Variants in CSRP1 observed in about 807,000 individuals in gnomAD.
The protein encoded by CSRP1 is cysteine and glycine-rich protein 1.
In CSRP1, 16 loss-of-function variants were observed where a neutral mutation model predicts 25.4. The observed-to-expected ratio is 0.63, with a 90% confidence interval of 0.43 to 0.96. CSRP1 has a LOEUF of 0.96. Ranked by LOEUF, CSRP1 falls within the 40% of genes least tolerant of loss-of-function variation. The probability of loss-of-function intolerance (pLI) is 0.00; values close to 1 mark genes in which losing one functional copy is unlikely to be tolerated. For synonymous variants in CSRP1, 97 were observed against 95.3 expected (o/e 1.02, Z -0.10); for missense variants, 212 against 243.6 (o/e 0.87, Z 0.86).
At chr1:201,500,717 G>A (rs188581743) in intron 1 of CSRP1, among the ~76,000 whole-genome samples, 1 of 152,358 alleles carries the variant, frequency 6.6e-6, no homozygotes, top group African/African-American at 2.4e-5. Flanking sequence ...CTCAGCTGGA[G>A]GGAACCCTGG....
At chr1:201,504,918 G>A (rs1664772344) in intron 1 of CSRP1, among the ~76,000 whole-genome samples, 1 of 152,168 alleles carries the variant, frequency 6.6e-6, no homozygotes, top group African/African-American at 2.4e-5. Flanking sequence ...GGCCAACATG[G>A]CGAAATGCCG....
intron 2 of CSRP1, among the ~76,000 whole-genome samples, chr1:201,494,613 T>C (rs1261257747): frequency 9.2e-5 from 14 of 152,234 alleles, no homozygotes; most frequent in Admixed American, 9.2e-4. Context: ...CAGGTGGGTC[T>C]ACCTAGCGAC....
At chr1:201,496,151 G>A in intron 2 of CSRP1, 41 bp downstream of exon 2, 2 of 1,513,940 alleles carry the variant, frequency 1.3e-6, no homozygotes, top group Non-Finnish European at 1.8e-6. Flanking sequence ...GCCCGTCCAG[G>A]GTGTCCAAGG....
intron 2 of CSRP1, chr1:201,491,297 T>G (rs1157299411): frequency 1.3e-5 from 2 of 152,246 alleles, no homozygotes; most frequent in East Asian, 1.9e-4. Flanking sequence ...TAAATAAAAC[T>G]TTTAAAAATA....
intron 1 of CSRP1, among the ~76,000 whole-genome samples, chr1:201,497,371 A>AAG (rs1440152339): frequency 6.6e-6 from 1 of 150,816 alleles, no homozygotes; most frequent in Non-Finnish European, 1.5e-5. Flanking sequence ...AAAAAAAAAA[A>AAG]AAAAAAAAAA....
At chr1:201,490,118 T>C (rs1664286476) in intron 3 of CSRP1, 58 bp downstream of exon 3, 1 of 1,548,812 alleles carries the variant, frequency 6.5e-7, no homozygotes, top group Non-Finnish European at 8.8e-7. Flanking sequence ...ACATGAGGCC[T>C]AATACAGGGT....
chr1:201,490,284 C>A lies in CSRP1; in HGVS notation c.173G>T (p.Cys58Phe), dbSNP rs1803328. 1 of 1,614,200 alleles carries A rather than the reference C, an allele frequency of 6.2e-7. No homozygotes were observed. The highest frequency in any genetic ancestry group is 8.5e-7 in the Non-Finnish European group (1 of 1,180,038). Residue 58 changes from cysteine (C) to phenylalanine (F), a missense_variant, in exon 3 of 6, where the codon TGC becomes TTC. Cys to Phe is a radical substitution (Grantham distance 205, BLOSUM62 -2). Transcript: ENST00000340006. Reference protein sequence around the residue: ...TVAVHGEEIYCKSCYGKKYGP... With the variant: ...TVAVHGEEIYFKSCYGKKYGP... The stretch of plus-strand genomic sequence containing the variant: ...ATACTTCTTGCCGTAGCAGGACTTG[C>A]AGTAAATCTCCTCACCATGCACGGC...
chr1:201,504,802 A>T (rs1184799915), intron 1 of CSRP1, among the ~76,000 whole-genome samples: 1 of 152,004 alleles, frequency 6.6e-6, no homozygotes, highest in Non-Finnish European at 1.5e-5. Flanking sequence ...GTCTCCAAAA[A>T]AAAAAAAAAC....
chr1:201,488,850 C>G lies in CSRP1; in HGVS notation c.411+5G>C, dbSNP rs1303081578. On this transcript the variant is annotated splice_donor_5th_base_variant and intron_variant, in intron 4 of 5. Coordinates refer to ENST00000340006, the MANE Select transcript of CSRP1 (RefSeq NM_004078.3). ...CATCCCTCTCATGCCCAGCAGCCACCTTACCTTCCCAGCACCAATCACCTT... is the reference window on the plus strand; with the variant it reads ...CATCCCTCTCATGCCCAGCAGCCACGTTACCTTCCCAGCACCAATCACCTT... The G allele has an allele frequency of 6.2e-7, 1 of 1,612,566 alleles. No individual in the cohort carries two copies. Among genetic ancestry groups the G allele is most frequent in the Middle Eastern group, 1.6e-4 (1 of 6,074 alleles).
At chr1:201,492,795 G>A (rs1423651784) in intron 2 of CSRP1, 1 of 152,332 alleles carries the variant, frequency 6.6e-6, no homozygotes, top group African/African-American at 2.4e-5. Context: ...TCCAGACCTG[G>A]TGGTTTTCTG....
At chr1:201,490,150 AG>A in intron 3 of CSRP1, 25 bp downstream of exon 3, 1 of 1,596,490 alleles carries the variant, frequency 6.3e-7, no homozygotes, top group East Asian at 2.2e-5. Context: ...CTCAAGAAAA[AG>A]GTTGGGAGGG....
rs989043070 is a variant in CSRP1 at position 201,483,711 on chromosome 1, G to A, written c.*1002C>T. On this transcript the variant is annotated 3_prime_UTR_variant, in exon 6 of 6. Coordinates refer to ENST00000340006, the MANE Select transcript of CSRP1 (RefSeq NM_004078.3). ...TAACCTGGGGCCTGGCAGGGGTGGA[G>A]TGATGTGATCTAAGGGTCCCTGGAG... 5 of 337,946 alleles carry A rather than the reference G, an allele frequency of 1.5e-5. No homozygotes were observed. The highest frequency in any genetic ancestry group is 8.8e-4 in the Middle Eastern group (1 of 1,132). The allele number at this position is 337,946 out of a possible 1,614,324, so 20.9% of individuals were successfully genotyped here. A position where few individuals can be genotyped will look rare whatever the true frequency, so the allele number is the denominator to read the frequency against.
rs1664307259 is a variant in CSRP1 at position 201,490,557 on chromosome 1, G to A, written c.113-213C>T. The A allele has an allele frequency of 2.9e-5, 15 of 520,596 alleles. No individual in the cohort carries two copies. The East Asian group carries it at 4.7e-4, about 16-fold the overall frequency. The allele number at this position is 520,596 out of a possible 1,614,324, so 32.2% of individuals were successfully genotyped here. On this transcript the variant is annotated intron_variant, in intron 2 of 5. Transcript: ENST00000340006. ...TGCATATCCGACTCTAGAAATGCTG[G>A]CCAACACCAATTCCTCTTCCAGGAA...
chr1:201,498,169 C>A (rs572101520), intron 1 of CSRP1, among the ~76,000 whole-genome samples: 1 of 152,170 alleles, frequency 6.6e-6, no homozygotes, highest in South Asian at 2.1e-4. Context: ...CAGAGCAGCA[C>A]GGAAGGTAAC....
At chr1:201,499,130 G>A (rs1055260491) in intron 1 of CSRP1, among the ~76,000 whole-genome samples, 13 of 152,198 alleles carry the variant, frequency 8.5e-5, no homozygotes, top group African/African-American at 2.9e-4. Flanking sequence ...GCCTCTTTCT[G>A]TACTGAGGAC....
At chr1:201,486,517 T>C (rs1664148318) in intron 4 of CSRP1, 1 of 985,484 alleles carries the variant, frequency 1.0e-6, no homozygotes, top group Non-Finnish European at 1.2e-6. Flanking sequence ...AGAGCTGAAA[T>C]GGGGGGACCT....
intron 1 of CSRP1, among the ~76,000 whole-genome samples, chr1:201,502,953 C>T (rs1347199005): frequency 1.4e-5 from 2 of 146,778 alleles, no homozygotes; most frequent in South Asian, 4.4e-4. Flanking sequence ...TGGCCAACAG[C>T]GTGAAACCCC....
At position 201,484,602 on chromosome 1, in the gene CSRP1, A is replaced by C. The variant is rs1212171731; in HGVS notation, c.*111T>G. The C allele has an allele frequency of 1.5e-5, 16 of 1,038,416 alleles. No homozygotes were observed. The highest frequency in any genetic ancestry group is 2.3e-5 in the Non-Finnish European group (16 of 699,352). The allele number at this position is 1,038,416 out of a possible 1,614,324, so 64.3% of individuals were successfully genotyped here. A position where few individuals can be genotyped will look rare whatever the true frequency, so the allele number is the denominator to read the frequency against. On this transcript the variant is annotated 3_prime_UTR_variant, in exon 6 of 6. Coordinates refer to ENST00000340006, the MANE Select transcript of CSRP1 (RefSeq NM_004078.3). Reference sequence around the variant, plus strand: ...GATGCCCAAGTTCAAGTCATTAGTGATATGTGGCAGGGCTGACAGAGAAAT... The same window carrying C: ...GATGCCCAAGTTCAAGTCATTAGTGCTATGTGGCAGGGCTGACAGAGAAAT...
chr1:201,491,780 T>C (rs956383833), intron 2 of CSRP1: 1 of 152,236 alleles, frequency 6.6e-6, no homozygotes, highest in Non-Finnish European at 1.5e-5. Flanking sequence ...AAACATGTCC[T>C]GAACATAGAA....
Sources: allele counts gnomAD v4.1 joint callset (sites outside exome capture counted in the v4.1 genomes callset), GRCh38; gene constraint gnomAD v4.1.1; transcripts MANE v1.5; gene names NCBI Gene and HGNC (gene_info 2026-07-23, HGNC 2026-07-21).